Variants in HAUS3 observed in about 807,000 individuals in gnomAD.
HAUS3 encodes the protein HAUS augmin like complex subunit 3, also known as HAUS augmin-like complex subunit 3.
HAUS3 carries 36 observed loss-of-function variants against 55.2 expected under a neutral mutation model. That is an observed-to-expected ratio of 0.65 (90% CI 0.50 to 0.86). HAUS3 has a LOEUF of 0.86. Ranked by LOEUF, HAUS3 falls within the 40% of genes least tolerant of loss-of-function variation. HAUS3 has a pLI of 0.00. For missense variants in HAUS3, 752 were observed against 671.5 expected (o/e 1.12, Z -1.33); for synonymous variants, 234 against 238.6 (o/e 0.98, Z 0.18).
At chr4:2,239,140 A>G (rs1239834421) in intron 3 of HAUS3, 97 bp from the exon 4 acceptor site, 2 of 594,842 alleles carry the variant, frequency 3.4e-6, no homozygotes, top group African/African-American at 3.7e-5. Context: ...ACCAGATAAT[A>G]AGCTCAATGA....
At chr4:2,239,946 T>C (rs1734910191) in intron 3 of HAUS3, 92 bp downstream of exon 3, 2 of 917,412 alleles carry the variant, frequency 2.2e-6, no homozygotes. Context: ...TCTTCTCAGA[T>C]GCACCATTCT....
At position 2,240,427 on chromosome 4, in the gene HAUS3, T is replaced by C. The variant is rs1459723529; in HGVS notation, c.520A>G (p.Thr174Ala). The change falls in exon 3 of 6, where the codon ACA becomes GCA. Residue 174 changes from threonine to alanine, a missense_variant. Coordinates refer to ENST00000443786, the MANE Select transcript of HAUS3 (RefSeq NM_001303143.2). The part of the protein sequence containing the change: ...NELQALTDEV[T>A]QLMMFFRHSN... Reference sequence around the variant, plus strand: ...TGTCTGAAGAACATCATCAATTGTGTAACTTCATCAGTAAGAGCCTGAAGT... The same window carrying C: ...TGTCTGAAGAACATCATCAATTGTGCAACTTCATCAGTAAGAGCCTGAAGT... 1 of 1,613,824 alleles carries C rather than the reference T, an allele frequency of 6.2e-7. No homozygotes were observed. The highest frequency in any genetic ancestry group is 8.5e-7 in the Non-Finnish European group (1 of 1,179,866).
At chr4:2,236,759 A>T (rs1382990369) in intron 4 of HAUS3, among the ~76,000 whole-genome samples, 1 of 151,894 alleles carries the variant, frequency 6.6e-6, no homozygotes, top group African/African-American at 2.4e-5. Context: ...GATACTCCGG[A>T]GGCTGAGGCA....
Position 2,241,479 on chromosome 4 carries a change from A to G in HAUS3, c.-148+41T>C, listed in dbSNP as rs187930802. ...GCCCTCCGTACGTAAGAAGACGCAA[A>G]TAAGCATGGCACATCTTCTGAAGAT... is the stretch of plus-strand genomic sequence containing the variant. On this transcript the variant is annotated intron_variant, in intron 2 of 5. Coordinates refer to ENST00000443786, the MANE Select transcript of HAUS3 (RefSeq NM_001303143.2). 2.8e-5 allele frequency: 28 copies of G among 985,334 alleles called. No homozygotes were observed. The Admixed American group carries it at 6.7e-4, about 24-fold the overall frequency. The allele number at this position is 985,334 out of a possible 1,614,324, so 61.0% of individuals were successfully genotyped here.
intron 4 of HAUS3, among the ~76,000 whole-genome samples, chr4:2,237,997 C>T (rs895622776): frequency 2.6e-5 from 4 of 152,126 alleles, no homozygotes; most frequent in Non-Finnish European, 1.5e-5. Flanking sequence ...ATCCAGGCCC[C>T]TCATTTTATT....
intron 5 of HAUS3, 111 bp downstream of exon 5, chr4:2,236,117 T>C (rs1734754796): frequency 4.8e-6 from 3 of 624,886 alleles, no homozygotes; most frequent in Non-Finnish European, 8.3e-6. Context: ...TACTTTATAT[T>C]AAGGCAATGA....
At position 2,240,200 on chromosome 4, in the gene HAUS3, AC is replaced by A; in HGVS notation, c.746del (p.Cys249LeufsTer12). On this transcript the variant is annotated frameshift_variant, in exon 3 of 6. Transcript: ENST00000443786. LOFTEE classifies it high-confidence loss of function. ...QLLDIQTPSICDNQEILEERR... is the reference protein window; with the variant it reads ...QLLDIQTPSIXDNQEILEERR... ...TCTCCTCAAGGATTTCTTGATTATCACAAATAGATGGTGTCTGTATATCTAA... is the reference window on the plus strand; with the variant it reads ...TCTCCTCAAGGATTTCTTGATTATCAAAATAGATGGTGTCTGTATATCTAA... The A allele has an allele frequency of 6.2e-7, 1 of 1,614,054 alleles. No individual in the cohort carries two copies. Among genetic ancestry groups the A allele is most frequent in the East Asian group, 2.2e-5 (1 of 44,866 alleles).
At chr4:2,234,572 A>C (rs1296339425) in intron 5 of HAUS3, 1 of 152,770 alleles carries the variant, frequency 6.5e-6, no homozygotes, top group African/African-American at 2.4e-5. Context: ...TGGGTACATG[A>C]TGATCCCTAC....
In HAUS3 at chr4:2,236,279, C is replaced by G; in HGVS notation, c.1527G>C (p.Met509Ile). The stretch of plus-strand genomic sequence containing the variant: ...CTCCTTGATACAAAGTATCACAAAG[C>G]ATGTCCACATCCTTATTCCGTTTGG... ...FLSKRNKDVD[M>I]LCDTLYQGGN... The change falls in exon 5 of 6, where the codon ATG (methionine) becomes ATC (isoleucine). Residue 509 changes from methionine to isoleucine, a missense_variant. Met to Ile is a conservative substitution (Grantham distance 10). Transcript: ENST00000443786. 6.2e-7 allele frequency: 1 copy of G among 1,613,610 alleles called. No individual in the cohort carries two copies. The highest frequency in any genetic ancestry group is 8.5e-7 in the Non-Finnish European group (1 of 1,179,798).
At chr4:2,237,638 A>G (rs1287989662) in intron 4 of HAUS3, among the ~76,000 whole-genome samples, 1 of 152,180 alleles carries the variant, frequency 6.6e-6, no homozygotes, top group African/African-American at 2.4e-5. Context: ...AATCTCTGAG[A>G]CTTATTTCCA....
intron 5 of HAUS3, chr4:2,234,633 G>T (rs567519730): frequency 2.3e-4 from 35 of 152,276 alleles, no homozygotes; most frequent in African/African-American, 8.2e-4. Context: ...TACTGGAAAA[G>T]TGTAAAGAAA....
Position 2,236,302 on chromosome 4 carries a change from T to C in HAUS3, c.1504A>G (p.Lys502Glu). 1 of 1,613,908 alleles carries C rather than the reference T, an allele frequency of 6.2e-7. No individual in the cohort carries two copies. The highest frequency in any genetic ancestry group is 8.5e-7 in the Non-Finnish European group (1 of 1,179,908). The change falls in exon 5 of 6, where the codon AAA (lysine) becomes GAA (glutamate). Residue 502 changes from lysine (K) to glutamate (E), a missense_variant. Physicochemically the swap from Lys to Glu is moderately conservative, Grantham distance 56. Coordinates refer to ENST00000443786, the MANE Select transcript of HAUS3 (RefSeq NM_001303143.2). Reference sequence around the variant, plus strand: ...AGCATGTCCACATCCTTATTCCGTTTGGACAGAAAGAAAGAATGTTCTTGA... The same window carrying C: ...AGCATGTCCACATCCTTATTCCGTTCGGACAGAAAGAAAGAATGTTCTTGA... ...SAQEHSFFLS[K>E]RNKDVDMLCD... is the part of the protein sequence containing the mutation.
chr4:2,240,690 G>T lies in HAUS3; in HGVS notation c.257C>A (p.Thr86Asn). The T allele has an allele frequency of 6.2e-7, 1 of 1,613,966 alleles. No homozygotes were observed. Among genetic ancestry groups the T allele is most frequent in the Non-Finnish European group, 8.5e-7 (1 of 1,179,976 alleles). The change falls in exon 3 of 6, where the codon ACT (threonine) becomes AAT (asparagine). Residue 86 changes from threonine (T) to asparagine (N), a missense_variant. Transcript: ENST00000443786. The part of the protein sequence containing the change: ...ALDEALKTCK[T>N]SDLKTPRLDD... The stretch of plus-strand genomic sequence containing the variant: ...CAGTCTAGGTGTCTTCAAATCAGAA[G>T]TTTTACACGTTTTAAGAGCTTCATC...
At position 2,231,948 on chromosome 4, in the gene HAUS3, CT is replaced by C; in HGVS notation, c.1790del (p.Lys597ArgfsTer11). ...ATTTTCAATCTTCAAGACTAACAGC[CT>C]TAATCTTTGATTGAGTTTCTAAATT... ...VENLETQSKI[K>X]AVSLED On this transcript the variant is annotated frameshift_variant, in exon 6 of 6. Transcript: ENST00000443786. LOFTEE classifies it high-confidence loss of function. The C allele has an allele frequency of 1.4e-6, 2 of 1,394,682 alleles. No individual in the cohort carries two copies. The highest frequency in any genetic ancestry group is 1.3e-5 in the South Asian group (1 of 79,514). 86.4% of individuals were successfully genotyped at this position (1,394,682 alleles called of 1,614,324 possible). A position where few individuals can be genotyped will look rare whatever the true frequency, so the allele number is the denominator to read the frequency against.
In HAUS3 at chr4:2,239,026, ATTT is replaced by A. The variant is rs1734875709; in HGVS notation, c.924_926del (p.Glu308_Asn309delinsAsp). On this transcript the variant is annotated inframe_deletion, in exon 4 of 6. Coordinates refer to ENST00000443786, the MANE Select transcript of HAUS3 (RefSeq NM_001303143.2). ...TCAAGCTAGAAATTTTAGCATCCAA[ATTT>A]TCTTTGTCCACAGCCTATACAAAGA... The A allele has an allele frequency of 6.5e-7, 1 of 1,531,664 alleles. No individual in the cohort carries two copies. Among genetic ancestry groups the A allele is most frequent in the Admixed American group, 2.2e-5 (1 of 45,614 alleles). The allele number at this position is 1,531,664 out of a possible 1,614,324, so 94.9% of individuals were successfully genotyped here.
intron 2 of HAUS3, 42 bp downstream of exon 2, chr4:2,241,478 A>T (rs1734985593): frequency 1.0e-6 from 1 of 985,104 alleles, no homozygotes; most frequent in Non-Finnish European, 1.2e-6. Flanking sequence ...AGAAGACGCA[A>T]ATAAGCATGG....
intron 2 of HAUS3, 90 bp downstream of exon 2, chr4:2,241,427 CAGG>C: frequency 1.1e-6 from 1 of 881,344 alleles, no homozygotes; most frequent in African/African-American, 1.8e-5. Context: ...CCCAAGCCAC[CAGG>C]AGGCTAGGCA....
In HAUS3 at chr4:2,235,878, T is replaced by C. The variant is rs1432457476; in HGVS notation, c.1578+350A>G. The stretch of plus-strand genomic sequence containing the variant: ...ATTATATTAGGAGGAGCATGTACCA[T>C]TAAGTGTACACAGAGGATTTTAAAG... On this transcript the variant is annotated intron_variant, in intron 5 of 5. Coordinates refer to ENST00000443786, the MANE Select transcript of HAUS3 (RefSeq NM_001303143.2). 2.0e-5 allele frequency among the ~76,000 whole-genome samples: 3 copies of C among 152,152 alleles called. No individual in the cohort carries two copies. In the East Asian group the frequency reaches 5.8e-4, roughly 29 times the overall value.
intron 5 of HAUS3, among the ~76,000 whole-genome samples, chr4:2,235,986 AACATT>A (rs1734751103): frequency 6.6e-6 from 1 of 152,234 alleles, no homozygotes; most frequent in South Asian, 2.1e-4. Context: ...CACTAGTATA[AACATT>A]ACATATTCTT....
Sources: allele counts gnomAD v4.1 joint callset (sites outside exome capture counted in the v4.1 genomes callset), GRCh38; gene constraint gnomAD v4.1.1; transcripts MANE v1.5; gene names NCBI Gene and HGNC (gene_info 2026-07-23, HGNC 2026-07-21).